FCHO2: variants seen among roughly 807,000 people sequenced by gnomAD.
FCHO2 encodes FCH and mu domain containing endocytic adaptor 2, also known as F-BAR domain only protein 2.
Under a neutral mutation model 114.1 loss-of-function variants are expected in FCHO2, and 43 were observed. That is an observed-to-expected ratio of 0.38 (90% CI 0.30 to 0.49). The LOEUF is 0.49. Among genes scored for constraint, FCHO2 ranks in the 20% least tolerant of loss-of-function variants. The pLI is 0.97. For missense variants in FCHO2, 807 were observed against 950.4 expected, an observed-to-expected ratio of 0.85 and a Z score of 1.98; for synonymous variants, 293 against 315.2, an observed-to-expected ratio of 0.93 and a Z score of 0.75.
chr5:72,985,929 A>G (rs759828422), intron 2 of FCHO2, among the ~76,000 whole-genome samples: 16 of 152,036 alleles, frequency 1.1e-4, no homozygotes, highest in Non-Finnish European at 2.1e-4. Context: ...AAAATTCCCC[A>G]TTATTATTTC....
intron 8 of FCHO2, among the ~76,000 whole-genome samples, chr5:73,026,912 G>A (rs915117329): frequency 2.0e-5 from 3 of 150,970 alleles, no homozygotes; most frequent in African/African-American, 4.9e-5. Flanking sequence ...GGCTGGTCTC[G>A]AACTCTTGGC....
At chr5:72,986,184 C>A (rs1275975513) in intron 2 of FCHO2, among the ~76,000 whole-genome samples, 2 of 152,010 alleles carry the variant, frequency 1.3e-5, no homozygotes, top group Non-Finnish European at 2.9e-5. Context: ...AGCTGCTAAA[C>A]CCCATCCAAG....
chr5:73,046,054 A>G (rs1349680017), intron 11 of FCHO2, among the ~76,000 whole-genome samples: 4 of 151,900 alleles, frequency 2.6e-5, no homozygotes, highest in African/African-American at 9.7e-5. Flanking sequence ...CTGGTTGTTT[A>G]TGGTGGTTTT....
intron 5 of FCHO2, chr5:72,996,977 C>T (rs1580070977): frequency 6.2e-7 from 1 of 1,607,720 alleles, no homozygotes; most frequent in East Asian, 2.2e-5. Context: ...CGCCGCCAAG[C>T]TCTGGAGCTT....
At chr5:73,066,281 A>G (rs1355302027) in intron 18 of FCHO2, among the ~76,000 whole-genome samples, 2 of 151,888 alleles carry the variant, frequency 1.3e-5, no homozygotes, top group Non-Finnish European at 1.5e-5. Context: ...AAGTGGCTAC[A>G]GAGTATTTCA....
chr5:73,082,068 A>G (rs1457840216), intron 23 of FCHO2, 86 bp downstream of exon 23: 6 of 1,284,668 alleles, frequency 4.7e-6, no homozygotes, highest in Non-Finnish European at 6.2e-6. Context: ...AAGTTTTCTT[A>G]GAAGTTTGAA....
At chr5:72,968,452 T>C (rs1752325269) in intron 1 of FCHO2, 46 bp from the exon 2 acceptor site, 12 of 1,331,492 alleles carry the variant, frequency 9.0e-6, no homozygotes, top group Admixed American at 6.3e-5. Context: ...TCTCAAGTCA[T>C]TTTTATCTGT....
chr5:72,988,916 A>AT (rs1753680211), intron 2 of FCHO2, among the ~76,000 whole-genome samples: 1 of 152,154 alleles, frequency 6.6e-6, no homozygotes, highest in African/African-American at 2.4e-5. Context: ...TTCCATTAAA[A>AT]TTTTTTCTGT....
intron 11 of FCHO2, among the ~76,000 whole-genome samples, chr5:73,046,423 C>A (rs1757061836): frequency 6.6e-6 from 1 of 152,122 alleles, no homozygotes; most frequent in South Asian, 2.1e-4. Flanking sequence ...GGTCCAAAAG[C>A]TGCTTACTCA....
At chr5:73,015,804 G>T in intron 7 of FCHO2, 80 bp downstream of exon 7, 1 of 776,696 alleles carries the variant, frequency 1.3e-6, no homozygotes, top group Middle Eastern at 3.7e-4. Flanking sequence ...TTCTCACTCT[G>T]TTCAAAGTTC....
At chr5:73,070,424 T>C (rs1400075605) in intron 19 of FCHO2, among the ~76,000 whole-genome samples, 1 of 152,130 alleles carries the variant, frequency 6.6e-6, no homozygotes, top group Admixed American at 6.6e-5. Context: ...TGCCCTTTGG[T>C]TTAATGAATA....
chr5:72,989,454 G>C lies in FCHO2; in HGVS notation c.153G>C (p.Arg51Ser). The C allele has an allele frequency of 6.2e-7, 1 of 1,607,304 alleles. No individual in the cohort carries two copies. The highest frequency in any genetic ancestry group is 8.5e-7 in the Non-Finnish European group (1 of 1,176,652). ...CTACCATAGAGGAGGCATACTCCAG[G>C]TCAATGACAAAACTAGCAAAATCTG... ...ERATIEEAYS[R>S]SMTKLAKSAS... The change falls in exon 3 of 26, where the codon AGG becomes AGC. Residue 51 changes from arginine to serine, a missense_variant. Arg to Ser is a moderately radical substitution (Grantham distance 110). Coordinates refer to ENST00000430046, the MANE Select transcript of FCHO2 (RefSeq NM_138782.3).
chr5:73,074,713 A>G (rs955878923), intron 19 of FCHO2, 29 bp from the exon 20 acceptor site: 1 of 1,582,646 alleles, frequency 6.3e-7, no homozygotes. Flanking sequence ...TTTCTGAAGG[A>G]TTTAACAAGT....
intron 18 of FCHO2, among the ~76,000 whole-genome samples, chr5:73,064,204 A>G (rs1040490156): frequency 7.9e-5 from 12 of 152,086 alleles, no homozygotes; most frequent in Non-Finnish European, 1.3e-4. Context: ...TTCAGTATCC[A>G]TTGTCTCACA....
chr5:72,970,696 A>C (rs558378360), intron 2 of FCHO2, among the ~76,000 whole-genome samples: 192 of 148,432 alleles, frequency 1.3e-3, no homozygotes, highest in African/African-American at 4.2e-3. Flanking sequence ...CTTTTTTTTT[A>C]TTTTTTATTT....
chr5:72,998,683 T>C (rs1184995120), intron 5 of FCHO2, among the ~76,000 whole-genome samples: 2 of 150,760 alleles, frequency 1.3e-5, no homozygotes, highest in African/African-American at 4.9e-5. Context: ...TGAACCCCAG[T>C]GGGCTCACCA....
At position 73,077,408 on chromosome 5, in the gene FCHO2, A is replaced by G; in HGVS notation, c.1762A>G (p.Asn588Asp). 1 of 1,594,472 alleles carries G rather than the reference A, an allele frequency of 6.3e-7. No individual in the cohort carries two copies. The highest frequency in any genetic ancestry group is 8.5e-7 in the Non-Finnish European group (1 of 1,169,644). The change falls in exon 21 of 26, where the codon AAT becomes GAT. Residue 588 changes from asparagine to aspartate, a missense_variant. Coordinates refer to ENST00000430046, the MANE Select transcript of FCHO2 (RefSeq NM_138782.3). Reference sequence around the variant, plus strand: ...TGGAATTATTAAAGTCTTCACCAGCAATCCAACTCCAGCTGTGTTGTGCTT... The same window carrying G: ...TGGAATTATTAAAGTCTTCACCAGCGATCCAACTCCAGCTGTGTTGTGCTT... ...PSGIIKVFTSNPTPAVLCFRV... is the reference protein window; with the variant it reads ...PSGIIKVFTSDPTPAVLCFRV...
At chr5:73,006,875 G>A (rs1378286079) in intron 6 of FCHO2, among the ~76,000 whole-genome samples, 2 of 152,032 alleles carry the variant, frequency 1.3e-5, no homozygotes, top group African/African-American at 4.8e-5. Flanking sequence ...GTGAGGCTAC[G>A]GCAGTCAATA....
intron 8 of FCHO2, chr5:73,021,012 G>C: frequency 7.0e-7 from 1 of 1,422,616 alleles, no homozygotes; most frequent in Non-Finnish European, 9.9e-7. Flanking sequence ...CCTCAATGGG[G>C]TGGAAATGAG....
Sources: gnomAD v4.1 joint callset for allele counts (sites outside exome capture counted in the v4.1 genomes callset) on GRCh38, gnomAD v4.1.1 for gene constraint, MANE v1.5 for transcripts, NCBI Gene and HGNC (gene_info 2026-07-23, HGNC 2026-07-21) for gene names.